The following ADCY1 variants were observed in gnomAD, a reference collection of about 807,000 sequenced individuals.
The protein encoded by ADCY1 is adenylate cyclase type 1.
A neutral mutation model predicts 105.4 loss-of-function variants in ADCY1; 28 were observed. The ratio of observed to expected loss-of-function variants is 0.27; its 90% CI spans 0.20 to 0.36. The LOEUF (loss-of-function observed/expected upper bound fraction) is 0.36, where lower values mean the gene tolerates loss of function less well. Among genes scored for constraint, ADCY1 ranks in the 10% least tolerant of loss-of-function variants. ADCY1 has a pLI of 1.00. For synonymous variants in ADCY1, 655 were observed against 623.8 expected (o/e 1.05, Z -0.75); for missense variants, 977 against 1,434.2 (o/e 0.68, Z 5.15).
At chr7:45,624,251 G>A (rs1793989340) in intron 4 of ADCY1, among the ~76,000 whole-genome samples, 1 of 152,028 alleles carries the variant, frequency 6.6e-6, no homozygotes. Flanking sequence ...GACTTGCCAT[G>A]CCTGGCAGCA....
At chr7:45,683,575 G>T (rs116985132) in intron 11 of ADCY1, among the ~76,000 whole-genome samples, 1 of 152,140 alleles carries the variant, frequency 6.6e-6, no homozygotes, top group Non-Finnish European at 1.5e-5. Context: ...CAGGACTGGG[G>T]ACTATGGTCA....
intron 3 of ADCY1, among the ~76,000 whole-genome samples, chr7:45,615,657 A>C (rs570570243): frequency 6.6e-6 from 1 of 152,330 alleles, no homozygotes; most frequent in South Asian, 2.1e-4. Context: ...ACAAAGGAAA[A>C]TGAAAACACA....
chr7:45,677,446 A>G (rs1258947610), intron 8 of ADCY1, among the ~76,000 whole-genome samples: 1 of 152,122 alleles, frequency 6.6e-6, no homozygotes, highest in Non-Finnish European at 1.5e-5. Flanking sequence ...AGAGTGAGAG[A>G]CTGGTGAAGC....
intron 14 of ADCY1, among the ~76,000 whole-genome samples, chr7:45,694,328 G>T (rs945205491): frequency 3.9e-5 from 6 of 152,076 alleles, no homozygotes; most frequent in African/African-American, 1.4e-4. Flanking sequence ...ATAACAGAAA[G>T]ATCTCTGAGA....
intron 4 of ADCY1, among the ~76,000 whole-genome samples, chr7:45,627,626 A>G (rs1329379928): frequency 2.0e-5 from 3 of 152,068 alleles, no homozygotes; most frequent in Non-Finnish European, 4.4e-5. Flanking sequence ...GCGCCCACAT[A>G]TGAGAATGGC....
At position 45,710,069 on chromosome 7, in the gene ADCY1, A is replaced by G. The variant is rs1041542141; in HGVS notation, c.2933-459A>G. Among the ~76,000 whole-genome samples, 1 of 152,218 alleles carries G rather than the reference A, an allele frequency of 6.6e-6. No individual in the cohort carries two copies. Among genetic ancestry groups the G allele is most frequent in the Non-Finnish European group, 1.5e-5 (1 of 68,034 alleles). ...TTAGTTATGGGGCCCATACTCTAAAATAGCCATAAGGTCACATTCTGAGAA... is the reference window on the plus strand; with the variant it reads ...TTAGTTATGGGGCCCATACTCTAAAGTAGCCATAAGGTCACATTCTGAGAA... On this transcript the variant is annotated intron_variant, in intron 18 of 19. Transcript: ENST00000297323. The surrounding 1 kb of genome is among the most constrained non-coding windows in gnomAD (Gnocchi z 4.7).
chr7:45,676,250 CT>C (rs2116178538), intron 8 of ADCY1, among the ~76,000 whole-genome samples: 1 of 152,162 alleles, frequency 6.6e-6, no homozygotes, highest in Non-Finnish European at 1.5e-5. Flanking sequence ...TTTTCTGAGA[CT>C]TGCTATAATT....
chr7:45,574,820 G>A lies in ADCY1; in HGVS notation c.277G>A (p.Gly93Ser). The A allele has an allele frequency of 6.2e-7, 1 of 1,608,650 alleles. No individual in the cohort carries two copies. The highest frequency in any genetic ancestry group is 8.5e-7 in the Non-Finnish European group (1 of 1,179,066). Reference protein sequence around the residue: ...APGPAPGLAKGSHPVHCVLFL... With the variant: ...APGPAPGLAKSSHPVHCVLFL... ...GGGGCCCGCGCCCGGCCTGGCCAAG[G>A]GCTCACACCCGGTGCACTGCGTCCT... Residue 93 changes from glycine to serine, a missense_variant, in exon 1 of 20, where the codon GGC (glycine) becomes AGC (serine). Around this residue, in one of 7 missense-constraint regions of ADCY1, gnomAD observed 209 missense variants for 222.5 expected, o/e 0.94. Coordinates refer to ENST00000297323, the MANE Select transcript of ADCY1 (RefSeq NM_021116.4). The surrounding 1 kb of genome is among the most constrained non-coding windows in gnomAD (Gnocchi z 7.0).
At chr7:45,612,709 G>T (rs1389123660) in intron 3 of ADCY1, among the ~76,000 whole-genome samples, 1 of 152,162 alleles carries the variant, frequency 6.6e-6, no homozygotes, top group Admixed American at 6.5e-5. Flanking sequence ...GAGAGAAAGA[G>T]TCAGTGTGAC....
intron 8 of ADCY1, among the ~76,000 whole-genome samples, chr7:45,671,266 T>G (rs951839400): frequency 2.0e-5 from 3 of 147,850 alleles, no homozygotes; most frequent in Non-Finnish European, 4.5e-5. Context: ...GTGTTAATAG[T>G]GCCTTCCTTT....
intron 4 of ADCY1, among the ~76,000 whole-genome samples, chr7:45,630,035 T>C (rs1223354668): frequency 1.3e-5 from 2 of 152,240 alleles, no homozygotes; most frequent in Middle Eastern, 3.2e-3. Flanking sequence ...TGGTTGAGCA[T>C]CTTTTCATTG....
At chr7:45,672,869 A>T in intron 8 of ADCY1, among the ~76,000 whole-genome samples, 1 of 152,130 alleles carries the variant, frequency 6.6e-6, no homozygotes, top group Admixed American at 6.5e-5. Context: ...GAGAGCCAAC[A>T]TCTTGTATTT....
At chr7:45,656,568 G>A (rs1289191229) in intron 5 of ADCY1, among the ~76,000 whole-genome samples, 1 of 152,176 alleles carries the variant, frequency 6.6e-6, no homozygotes, top group South Asian at 2.1e-4. Context: ...GCTGGCAAGG[G>A]TTTGAGTGGA....
chr7:45,664,524 G>A, intron 8 of ADCY1: 1 of 1,372,378 alleles, frequency 7.3e-7, no homozygotes, highest in South Asian at 1.8e-5. Flanking sequence ...TGGAAAATAT[G>A]GAGAACACAA....
intron 19 of ADCY1, among the ~76,000 whole-genome samples, chr7:45,711,531 G>A (rs965968306): frequency 4.0e-5 from 6 of 149,882 alleles, no homozygotes; most frequent in Non-Finnish European, 8.9e-5. Flanking sequence ...TTTTCTAGGT[G>A]TACGGTTGAG....
chr7:45,686,952 G>A lies in ADCY1; in HGVS notation c.2454+279G>A, dbSNP rs758763041. ...GATGGTCAGAGCGTGGCTCTTTCAC[G>A]AGGCAGTGAGTCCCCCTTCACTGAA... On this transcript the variant is annotated intron_variant, in intron 14 of 19. Transcript: ENST00000297323. The surrounding 1 kb of genome is among the most constrained non-coding windows in gnomAD (Gnocchi z 4.3). 1.7e-4 allele frequency among the ~76,000 whole-genome samples: 26 copies of A among 152,170 alleles called. No individual in the cohort carries two copies. The highest frequency in any genetic ancestry group is 4.6e-4 in the Admixed American group (7 of 15,292).
intron 2 of ADCY1, among the ~76,000 whole-genome samples, chr7:45,602,009 C>T (rs1257536744): frequency 6.6e-6 from 1 of 151,980 alleles, no homozygotes; most frequent in East Asian, 1.9e-4. Context: ...CTTGACTGAA[C>T]CGAATAGGGA....
Position 45,575,199 on chromosome 7 carries a change from A to T in ADCY1, c.639+17A>T, listed in dbSNP as rs773309750. ...TGGAGGACGGTAAGTGCAGCCGCGC[A>T]CCCCTCATCTGGTCTCGGACACACT... is the stretch of plus-strand genomic sequence containing the variant. On this transcript the variant is annotated intron_variant, in intron 1 of 19. Coordinates refer to ENST00000297323, the MANE Select transcript of ADCY1 (RefSeq NM_021116.4). This position sits in a 1 kb window ranked among gnomAD's most constrained non-coding sequence, Gnocchi z 4.7. 19 of 1,566,374 alleles carry T rather than the reference A, an allele frequency of 1.2e-5. No homozygotes were observed. Among genetic ancestry groups the T allele is most frequent in the Non-Finnish European group, 1.5e-5 (17 of 1,157,582 alleles).
chr7:45,696,056 A>G (rs188496308), intron 14 of ADCY1, among the ~76,000 whole-genome samples: 14 of 152,368 alleles, frequency 9.2e-5, no homozygotes, highest in African/African-American at 2.9e-4. Flanking sequence ...GCCGTCTGAA[A>G]CAGCAGACCC....
Sources: gnomAD v4.1 joint callset for allele counts (sites outside exome capture counted in the v4.1 genomes callset) on GRCh38, gnomAD v4.1.1 for gene constraint, gnomAD v4.1.1 regional missense constraint, Gnocchi (gnomAD v3.1) non-coding constraint, MANE v1.5 for transcripts, NCBI Gene and HGNC (gene_info 2026-07-23, HGNC 2026-07-21) for gene names.